Variants in RPS15A observed in about 807,000 individuals in gnomAD.
RPS15A encodes ribosomal protein S15a.
For synonymous variants in RPS15A, 55 were observed against 58.5 expected, an observed-to-expected ratio of 0.94 and a Z score of 0.27; for missense variants, 62 against 163.4, an observed-to-expected ratio of 0.38 and a Z score of 3.38.
Position 18,782,928 on chromosome 16 carries a change from C to A in RPS15A, c.*81G>T, listed in dbSNP as rs1903988064. The A allele has an allele frequency of 6.2e-6, 5 of 800,438 alleles. No homozygotes were observed. The African/African-American group carries it at 8.5e-5, about 14-fold the overall frequency. 49.6% of individuals were successfully genotyped at this position (800,438 alleles called of 1,614,324 possible). On this transcript the variant is annotated 3_prime_UTR_variant, in exon 5 of 5. Coordinates refer to ENST00000322989, the MANE Select transcript of RPS15A (RefSeq NM_001019.5). ...TGCTGCCGCAGAAGCTGTGGCTACA[C>A]TGCTGTAAAGGCTCAAAACGACCAA...
At chr16:18,787,806 C>T (rs77223103) in intron 3 of RPS15A, among the ~76,000 whole-genome samples, 1,550 of 152,256 alleles carry the variant, frequency 0.01, 35 homozygotes, top group African/African-American at 0.035. Flanking sequence ...AATACCAGTA[C>T]CAGCGTTGGT....
chr16:18,782,843 T>C lies in RPS15A; in HGVS notation c.*166A>G. 7.3e-6 allele frequency: 4 copies of C among 544,622 alleles called. No homozygotes were observed. The highest frequency in any genetic ancestry group is 5.1e-5 in the South Asian group (2 of 39,602). 33.7% of individuals were successfully genotyped at this position (544,622 alleles called of 1,614,324 possible). ...GCATACTGGTTTCATAAGAACTTTT[T>C]CCCTTGGCTGTATTAGTCACTTCAG... On this transcript the variant is annotated 3_prime_UTR_variant, in exon 5 of 5. Transcript: ENST00000322989.
intron 2 of RPS15A, chr16:18,788,690 CG>C (rs2029950668): frequency 2.0e-5 from 6 of 302,628 alleles, no homozygotes; most frequent in Admixed American, 4.8e-5. Context: ...TTAGTAGAGA[CG>C]GGGTTTTGCC....
rs2062149172 is a variant in RPS15A, at chr16:18,782,743, A to AC, written c.*265_*266insG. On this transcript the variant is annotated 3_prime_UTR_variant, in exon 5 of 5. Transcript: ENST00000322989. ...TCTCCAAAAAAGAAAAAAAAAAAAA[A>AC]AAACTGAAATACAACTAAAATATTT... 1.4e-5 allele frequency: 4 copies of AC among 289,074 alleles called. No individual in the cohort carries two copies. In the South Asian group the frequency reaches 2.6e-4, roughly 19 times the overall value. The allele number at this position is 289,074 out of a possible 1,614,324, so 17.9% of individuals were successfully genotyped here. A position where few individuals can be genotyped will look rare whatever the true frequency, so the allele number is the denominator to read the frequency against.
At chr16:18,784,943 A>G (rs1191823814) in intron 3 of RPS15A, 120 bp from the exon 4 acceptor site, 2 of 720,636 alleles carry the variant, frequency 2.8e-6, no homozygotes, top group Non-Finnish European at 4.7e-6. Context: ...CAGCATTCAG[A>G]TGGGTACTTA....
intron 1 of RPS15A, among the ~76,000 whole-genome samples, chr16:18,789,722 T>C (rs1448771149): frequency 6.6e-6 from 1 of 152,192 alleles, no homozygotes; most frequent in Non-Finnish European, 1.5e-5. Flanking sequence ...TGGACTCTCT[T>C]CTAATGGGCA....
chr16:18,787,935 C>A (rs2029922465), intron 3 of RPS15A, 128 bp downstream of exon 3: 9 of 667,958 alleles, frequency 1.3e-5, no homozygotes, highest in East Asian at 2.6e-5. Context: ...AATTTTTAAA[C>A]CTTTTTAAAG....
chr16:18,790,249 A>G lies in RPS15A; in HGVS notation c.-11T>C, dbSNP rs1022314461. The G allele has an allele frequency of 3.3e-5, 5 of 152,544 alleles. No homozygotes were observed. The highest frequency in any genetic ancestry group is 6.5e-5 in the Admixed American group (1 of 15,282). The allele number at this position is 152,544 out of a possible 1,614,324, so 9.4% of individuals were successfully genotyped here. A position where few individuals can be genotyped will look rare whatever the true frequency, so the allele number is the denominator to read the frequency against. ...GCAGGACACCGAGACCGAACCTTAG[A>G]TTGCAGGATGGCGCCGATGGCAGAC... is the stretch of plus-strand genomic sequence containing the variant. On this transcript the variant is annotated 5_prime_UTR_variant, in exon 1 of 5. Coordinates refer to ENST00000322989, the MANE Select transcript of RPS15A (RefSeq NM_001019.5).
intron 1 of RPS15A, 140 bp downstream of exon 1, chr16:18,790,104 C>T (rs915063614): frequency 6.5e-6 from 1 of 152,722 alleles, no homozygotes; most frequent in African/African-American, 2.4e-5. Context: ...GCGGCCTGCA[C>T]CCCACGGACC....
At chr16:18,788,386 T>C (rs2029935838) in intron 2 of RPS15A, among the ~76,000 whole-genome samples, 1 of 152,232 alleles carries the variant, frequency 6.6e-6, no homozygotes, top group African/African-American at 2.4e-5. Flanking sequence ...CCCTTGACCC[T>C]TCCTTCACTG....
intron 3 of RPS15A, 139 bp downstream of exon 3, chr16:18,787,924 C>A: frequency 1.6e-6 from 1 of 642,426 alleles, no homozygotes; most frequent in South Asian, 1.8e-5. Flanking sequence ...TTCCATGTGT[C>A]AATTTTTAAA....
rs1210544767 is a variant in RPS15A at position 18,782,680 on chromosome 16, C to T, written c.*329G>A. 1 of 173,638 alleles carries T rather than the reference C, an allele frequency of 5.8e-6. No individual in the cohort carries two copies. The highest frequency in any genetic ancestry group is 2.4e-5 in the African/African-American group (1 of 41,546). The allele number at this position is 173,638 out of a possible 1,614,324, so 10.8% of individuals were successfully genotyped here. On this transcript the variant is annotated 3_prime_UTR_variant, in exon 5 of 5. Coordinates refer to ENST00000322989, the MANE Select transcript of RPS15A (RefSeq NM_001019.5). ...GAGGTTGCAGTGGGCCAAGATCGCGCCACTGCACTCCAGCCTGAGCAATAG... is the reference window on the plus strand; with the variant it reads ...GAGGTTGCAGTGGGCCAAGATCGCGTCACTGCACTCCAGCCTGAGCAATAG...
At position 18,789,063 on chromosome 16, in the gene RPS15A, G is replaced by T. The variant is rs375762261; in HGVS notation, c.51C>A (p.Ala17=). The change falls in exon 2 of 5, where the codon GCC becomes GCA. Residue 17 remains alanine, a synonymous_variant. Coordinates refer to ENST00000322989, the MANE Select transcript of RPS15A (RefSeq NM_001019.5). ...LADALKSINN[A]EKRGKRQVLI... ...GCACCTGGCGTTTGCCTCTCTTTTC[G>T]GCATTGTTGATACTCTTGAGAGCAT... is the stretch of plus-strand genomic sequence containing the variant. 4.4e-5 allele frequency: 71 copies of T among 1,614,092 alleles called. No individual in the cohort carries two copies. In the Middle Eastern group the frequency reaches 8.2e-4, roughly 19 times the overall value.
At chr16:18,784,641 T>C in intron 4 of RPS15A, 97 bp downstream of exon 4, 2 of 885,258 alleles carry the variant, frequency 2.3e-6, no homozygotes, top group Non-Finnish European at 3.6e-6. Flanking sequence ...ACCACTGCTT[T>C]GTTTTAAACA....
intron 1 of RPS15A, among the ~76,000 whole-genome samples, chr16:18,789,718 C>T (rs781484301): frequency 6.7e-6 from 1 of 149,314 alleles, no homozygotes; most frequent in Non-Finnish European, 1.5e-5. Context: ...AGACTGGACT[C>T]TCTTCTAATG....
rs1418098872 is a variant in RPS15A, at chr16:18,789,138, CAGG to C, written c.-5-23_-5-21del. 1.3e-6 allele frequency: 2 copies of C among 1,599,072 alleles called. No individual in the cohort carries two copies. The highest frequency in any genetic ancestry group is 1.1e-5 in the South Asian group (1 of 89,270). On this transcript the variant is annotated intron_variant, in intron 1 of 4. Transcript: ENST00000322989. ...TTGTGGCTGTTCAAGGAAGACAAAA[CAGG>C]AGGTTTTACTGGCATTGCCAACATC...
chr16:18,788,286 A>G (rs776308977), intron 2 of RPS15A, 144 bp from the exon 3 acceptor site: 19 of 615,198 alleles, frequency 3.1e-5, no homozygotes, highest in Non-Finnish European at 4.9e-5. Context: ...GTTGCTCTGT[A>G]TCAGAACTAA....
chr16:18,787,518 AAC>A (rs935864813), intron 3 of RPS15A, among the ~76,000 whole-genome samples: 1 of 152,158 alleles, frequency 6.6e-6, no homozygotes, highest in African/African-American at 2.4e-5. Flanking sequence ...CTGCCCCCAA[AAC>A]ACACGCAATC....
intron 4 of RPS15A, 56 bp downstream of exon 4, chr16:18,784,682 T>C: frequency 1.5e-6 from 2 of 1,328,820 alleles, no homozygotes; most frequent in South Asian, 1.3e-5. Flanking sequence ...TAAGTCAAAC[T>C]GCACCACAGA....
Sources: gnomAD v4.1 joint callset for allele counts (sites outside exome capture counted in the v4.1 genomes callset) on GRCh38, gnomAD v4.1.1 for gene constraint, MANE v1.5 for transcripts, NCBI Gene and HGNC (gene_info 2026-07-23, HGNC 2026-07-21) for gene names.